TRIO: variants seen among roughly 807,000 people sequenced by gnomAD.
The protein encoded by TRIO is triple functional domain protein.
A neutral mutation model predicts 351.9 loss-of-function variants in TRIO; 58 were observed. The ratio of observed to expected loss-of-function variants is 0.16; its 90% CI spans 0.13 to 0.21. TRIO has a LOEUF of 0.21. Ranked by LOEUF, TRIO falls within the 10% of genes least tolerant of loss-of-function variation. The pLI, the probability that TRIO is intolerant of heterozygous loss-of-function variation, is 1.00. For missense variants in TRIO, 3,201 were observed against 4,027.8 expected, an observed-to-expected ratio of 0.79 and a Z score of 5.56; for synonymous variants, 1,758 against 1,595.7, an observed-to-expected ratio of 1.10 and a Z score of -2.42.
rs201793588 is a variant in TRIO at position 14,497,026 on chromosome 5, G to A, written c.8019+9G>A. 1.2e-5 allele frequency: 19 copies of A among 1,613,440 alleles called. No individual in the cohort carries two copies. The highest frequency in any genetic ancestry group is 3.3e-4 in the Middle Eastern group (2 of 6,062). ...ACAAGGTATCTGTGAAGGTGTGTTC[G>A]GGGGTCTTCAGGAGTCCGTGTCATC... On this transcript the variant is annotated intron_variant, in intron 50 of 56. Transcript: ENST00000344204. This position sits in a 1 kb window ranked among gnomAD's most constrained non-coding sequence, Gnocchi z 4.4.
At chr5:14,299,315 G>A (rs972172942) in intron 7 of TRIO, among the ~76,000 whole-genome samples, 3 of 152,210 alleles carry the variant, frequency 2.0e-5, no homozygotes, top group African/African-American at 7.2e-5. Context: ...TGCATGAACT[G>A]TAAGGGCGCC....
rs986707175 is a variant in TRIO, at chr5:14,336,662, C to T, written c.1981C>T (p.Arg661Trp). Reference sequence around the variant, plus strand: ...GGAAGACCGGATTCAAGATTTCGTTCGGCGTGTTGAGCAGCGAAAGATCCT... The same window carrying T: ...GGAAGACCGGATTCAAGATTTCGTTTGGCGTGTTGAGCAGCGAAAGATCCT... ...QLEDRIQDFV[R>W]RVEQRKILLD... Residue 661 changes from arginine (R) to tryptophan (W), a missense_variant, in exon 11 of 57, where the codon CGG (arginine) becomes TGG (tryptophan). Physicochemically the swap from Arg to Trp is moderately radical, Grantham distance 101. Around this residue, in one of 19 missense-constraint regions of TRIO, gnomAD observed 363 missense variants for 553.5 expected, o/e 0.66. Transcript: ENST00000344204. The T allele has an allele frequency of 1.9e-6, 3 of 1,614,182 alleles. No individual in the cohort carries two copies. Among genetic ancestry groups the T allele is most frequent in the Non-Finnish European group, 2.5e-6 (3 of 1,180,048 alleles).
intron 34 of TRIO, among the ~76,000 whole-genome samples, chr5:14,432,862 A>T (rs982791284): frequency 1.3e-5 from 2 of 152,202 alleles, no homozygotes; most frequent in Non-Finnish European, 2.9e-5. Context: ...GAGCTGAAGA[A>T]TTCAACTTCC....
At chr5:14,483,655 G>T (rs1474527650) in intron 46 of TRIO, among the ~76,000 whole-genome samples, 1 of 152,174 alleles carries the variant, frequency 6.6e-6, no homozygotes, top group Non-Finnish European at 1.5e-5. Flanking sequence ...CAGGCTGGGG[G>T]CCTCTGCCCA....
chr5:14,296,501 G>A (rs974746541), intron 6 of TRIO, among the ~76,000 whole-genome samples: 3 of 152,212 alleles, frequency 2.0e-5, no homozygotes, highest in Non-Finnish European at 2.9e-5. Flanking sequence ...TTTGAGCATA[G>A]CGTTGTTGTG....
intron 37 of TRIO, among the ~76,000 whole-genome samples, chr5:14,469,524 C>A (rs1754522433): frequency 6.6e-6 from 1 of 152,208 alleles, no homozygotes; most frequent in Non-Finnish European, 1.5e-5. Context: ...ACACAAAAAA[C>A]AACCAAACCC....
At chr5:14,380,857 C>G (rs1315799595) in intron 20 of TRIO, among the ~76,000 whole-genome samples, 2 of 152,170 alleles carry the variant, frequency 1.3e-5, no homozygotes, top group Non-Finnish European at 2.9e-5. Context: ...GAAAATGTGG[C>G]ACATATACAC....
At chr5:14,424,169 G>T (rs1293693083) in intron 34 of TRIO, among the ~76,000 whole-genome samples, 1 of 152,094 alleles carries the variant, frequency 6.6e-6, no homozygotes, top group Non-Finnish European at 1.5e-5. Flanking sequence ...TGGGGCGGGC[G>T]CAGGAGGCCT....
intron 1 of TRIO, among the ~76,000 whole-genome samples, chr5:14,148,618 G>T (rs1787652979): frequency 6.6e-6 from 1 of 152,134 alleles, no homozygotes; most frequent in Admixed American, 6.5e-5. Flanking sequence ...GCATTGTCTT[G>T]ACAAAATTTT....
At chr5:14,374,107 A>T in intron 18 of TRIO, 122 bp from the exon 19 acceptor site, 1 of 639,336 alleles carries the variant, frequency 1.6e-6, no homozygotes, top group South Asian at 2.0e-5. Context: ...CATTTTCTAA[A>T]CCAGCAGGTG....
At chr5:14,331,102 C>T (rs1347985501) in intron 10 of TRIO, among the ~76,000 whole-genome samples, 2 of 152,208 alleles carry the variant, frequency 1.3e-5, no homozygotes, top group Admixed American at 6.5e-5. Flanking sequence ...TTCTAAAATA[C>T]GATGTTCTTG....
At chr5:14,311,757 A>G (rs538206643) in intron 8 of TRIO, among the ~76,000 whole-genome samples, 2 of 152,220 alleles carry the variant, frequency 1.3e-5, no homozygotes, top group African/African-American at 4.8e-5. Flanking sequence ...TTTGCAGGCC[A>G]TGGCGAGCTA....
At chr5:14,290,630 C>T in intron 4 of TRIO, 86 bp from the exon 5 acceptor site, 2 of 1,371,222 alleles carry the variant, frequency 1.5e-6, no homozygotes, top group Non-Finnish European at 2.0e-6. Context: ...ACTTTGAAAA[C>T]CTGTGACTGA....
intron 6 of TRIO, among the ~76,000 whole-genome samples, chr5:14,296,738 A>C (rs2152289608): frequency 6.6e-6 from 1 of 152,202 alleles, no homozygotes; most frequent in South Asian, 2.1e-4. Flanking sequence ...TGCCATCTGG[A>C]CCCTGTTCAG....
chr5:14,294,918 AT>A (rs956285610), intron 6 of TRIO, among the ~76,000 whole-genome samples: 13 of 152,010 alleles, frequency 8.6e-5, no homozygotes, highest in Non-Finnish European at 1.8e-4. Context: ...AGTTACAGCT[AT>A]TTTTTTTGGG....
intron 32 of TRIO, chr5:14,406,297 G>A (rs1748714283): frequency 1.8e-6 from 1 of 556,196 alleles, no homozygotes; most frequent in Non-Finnish European, 3.2e-6. Context: ...ATAAAGCATC[G>A]AGATGTTGCT....
At position 14,507,917 on chromosome 5, in the gene TRIO, C is replaced by T. The variant is rs1190449797; in HGVS notation, c.8789C>T (p.Pro2930Leu). 6.2e-7 allele frequency: 1 copy of T among 1,613,922 alleles called. No individual in the cohort carries two copies. The highest frequency in any genetic ancestry group is 8.5e-7 in the Non-Finnish European group (1 of 1,179,996). ...NILVDESLAK[P>L]TIKLADFGDA... ...CTGGTGGATGAGAGTTTAGCCAAGC[C>T]AACCATCAAACTGGCTGACTTTGGA... Residue 2930 changes from proline to leucine, a missense_variant, in exon 57 of 57, where the codon CCA becomes CTA. Coordinates refer to ENST00000344204, the MANE Select transcript of TRIO (RefSeq NM_007118.4).
rs765554572 is a variant in TRIO, at chr5:14,363,725, C to T, written c.2392-7C>T. On this transcript the variant is annotated splice_region_variant and splice_polypyrimidine_tract_variant and intron_variant, in intron 13 of 56. Transcript: ENST00000344204. Reference sequence around the variant, plus strand: ...TTTTTGTCTTGATCTTAAATACCTTCTTTCAGATTATCTCAGACCTCGAGT... The same window carrying T: ...TTTTTGTCTTGATCTTAAATACCTTTTTTCAGATTATCTCAGACCTCGAGT... 6.2e-7 allele frequency: 1 copy of T among 1,610,446 alleles called. No individual in the cohort carries two copies. The highest frequency in any genetic ancestry group is 1.3e-5 in the African/African-American group (1 of 74,798).
At position 14,286,953 on chromosome 5, in the gene TRIO, A is replaced by G. The variant is rs1204128261; in HGVS notation, c.430A>G (p.Ile144Val). The G allele has an allele frequency of 6.2e-7, 1 of 1,614,168 alleles. No homozygotes were observed. The highest frequency in any genetic ancestry group is 8.5e-7 in the Non-Finnish European group (1 of 1,180,012). The stretch of plus-strand genomic sequence containing the variant: ...GGACTCCATCAAGCCCCTTCTGAAG[A>G]TCCTGCAGGAGTCCTTCCCCTGCTG... The part of the protein sequence containing the change: ...KWDSIKPLLK[I>V]LQESFPCCIH... Residue 144 changes from isoleucine to valine, a missense_variant, in exon 4 of 57, where the codon ATC (isoleucine) becomes GTC (valine). Ile to Val is a conservative substitution (Grantham distance 29). Coordinates refer to ENST00000344204, the MANE Select transcript of TRIO (RefSeq NM_007118.4). The surrounding 1 kb of genome is among the most constrained non-coding windows in gnomAD (Gnocchi z 4.4).
Sources: gnomAD v4.1 joint callset for allele counts (sites outside exome capture counted in the v4.1 genomes callset) on GRCh38, gnomAD v4.1.1 for gene constraint, gnomAD v4.1.1 regional missense constraint, Gnocchi (gnomAD v3.1) non-coding constraint, MANE v1.5 for transcripts, NCBI Gene and HGNC (gene_info 2026-07-23, HGNC 2026-07-21) for gene names.